Variants in SRFBP1 observed in about 807,000 individuals in gnomAD.
SRFBP1 encodes the protein serum response factor-binding protein 1.
In SRFBP1, 47 loss-of-function variants were observed where a neutral mutation model predicts 45.5. The observed-to-expected ratio is 1.03, with a 90% CI of 0.82 to 1.32. The LOEUF (loss-of-function observed/expected upper bound fraction) is 1.32. SRFBP1 is among the 40% of genes most tolerant of loss of function. The pLI is 0.00. For synonymous variants in SRFBP1, 203 were observed against 166.3 expected, an observed-to-expected ratio of 1.22 and a Z score of -1.70; for missense variants, 621 against 484.6, an observed-to-expected ratio of 1.28 and a Z score of -2.64.
chr5:122,050,291 G>A (rs1041479844), intron 2 of SRFBP1, among the ~76,000 whole-genome samples: 1 of 152,058 alleles, frequency 6.6e-6, no homozygotes, highest in African/African-American at 2.4e-5. Flanking sequence ...CTCATGCTCA[G>A]TTTTTTGGAA....
Position 122,027,400 on chromosome 5 carries a change from G to A in SRFBP1, c.*274G>A, listed in dbSNP as rs770014382. 1.4e-5 allele frequency: 3 copies of A among 208,470 alleles called. No individual in the cohort carries two copies. Among genetic ancestry groups the A allele is most frequent in the Non-Finnish European group, 2.8e-5 (3 of 105,622 alleles). The allele number at this position is 208,470 out of a possible 1,614,324, so 12.9% of individuals were successfully genotyped here. ...AGTCTCTTGGGGAGAATTATAGAAT[G>A]TTTGTTTTTGTATTTTTTTTTAAAG... On this transcript the variant is annotated 3_prime_UTR_variant, in exon 8 of 8. Coordinates refer to ENST00000339397, the MANE Select transcript of SRFBP1 (RefSeq NM_152546.3).
At chr5:121,986,618 GT>G (rs1752524539) in intron 3 of SRFBP1, among the ~76,000 whole-genome samples, 1 of 151,986 alleles carries the variant, frequency 6.6e-6, no homozygotes, top group African/African-American at 2.4e-5. Context: ...AATTTAGCCA[GT>G]GGTAGCCCCT....
chr5:122,027,156 C>G lies in SRFBP1; in HGVS notation c.*30C>G. On this transcript the variant is annotated 3_prime_UTR_variant, in exon 8 of 8. Transcript: ENST00000339397. Reference sequence around the variant, plus strand: ...TGCCTCTTTCTGCAAACTTTTCCATCTAAAAAAAAAAATGTTTTTTTTAAG... The same window carrying G: ...TGCCTCTTTCTGCAAACTTTTCCATGTAAAAAAAAAAATGTTTTTTTTAAG... 1.3e-6 allele frequency: 2 copies of G among 1,542,506 alleles called. No individual in the cohort carries two copies. Among genetic ancestry groups the G allele is most frequent in the Non-Finnish European group, 1.8e-6 (2 of 1,138,302 alleles).
chr5:122,053,874 T>C (rs1323637493), intron 2 of SRFBP1, among the ~76,000 whole-genome samples: 5 of 149,018 alleles, frequency 3.4e-5, no homozygotes, highest in African/African-American at 1.2e-4. Context: ...TCCTGGTACA[T>C]CAGGAAGCTG....
At chr5:121,975,185 G>C in intron 2 of SRFBP1, 130 bp from the exon 3 acceptor site, 1 of 925,254 alleles carries the variant, frequency 1.1e-6, no homozygotes. Flanking sequence ...GGACAGTGTA[G>C]GATAGTGGCG....
Position 122,054,075 on chromosome 5 carries a change from C to A in SRFBP1, n.312-21240C>A, listed in dbSNP as rs78601805. Among the ~76,000 whole-genome samples the A allele has an allele frequency of 5.1e-3, 771 of 152,320 alleles. 19 individuals carry two copies. The East Asian group carries it at 0.051, about 10-fold the overall frequency. On this transcript the variant is annotated intron_variant and non_coding_transcript_variant, in intron 2 of 2. Transcript: ENST00000504881. ...TGAGATGGAGCAATCTTACTGCTTC[C>A]AGGCACCACAACTGCAGCCTCTGTT...
intron 3 of SRFBP1, among the ~76,000 whole-genome samples, chr5:121,980,711 A>AAAT (rs1210963875): frequency 6.6e-6 from 1 of 152,018 alleles, no homozygotes; most frequent in East Asian, 1.9e-4. Flanking sequence ...TTTTTTTCGA[A>AAAT]TAAGTGGTTG....
At chr5:121,974,431 G>C in intron 2 of SRFBP1, 147 bp downstream of exon 2, 1 of 587,294 alleles carries the variant, frequency 1.7e-6, no homozygotes, top group Non-Finnish European at 3.1e-6. Flanking sequence ...GATGATGTGA[G>C]TGAGATAGAA....
At chr5:121,993,821 TTTTA>T (rs1037275064) in intron 3 of SRFBP1, among the ~76,000 whole-genome samples, 2 of 152,050 alleles carry the variant, frequency 1.3e-5, no homozygotes, top group Non-Finnish European at 2.9e-5. Flanking sequence ...TTTGAGGTAG[TTTTA>T]TTTATTTATT....
In SRFBP1 at chr5:121,997,699, A is replaced by C. The variant is rs1430030214; in HGVS notation, c.270+3029A>C. Among the ~76,000 whole-genome samples the C allele has an allele frequency of 8.3e-4, 126 of 151,720 alleles. 1 individual carries two copies. The highest frequency in any genetic ancestry group is 2.9e-3 in the African/African-American group (119 of 41,442). ...TTAAACTAAAGAGCTTCTGCACAGC[A>C]AAAGAAACTACCATCAGAGTGAACA... On this transcript the variant is annotated intron_variant, in intron 4 of 7. Coordinates refer to ENST00000339397, the MANE Select transcript of SRFBP1 (RefSeq NM_152546.3).
At chr5:121,988,509 G>A (rs1199291516) in intron 3 of SRFBP1, among the ~76,000 whole-genome samples, 1 of 152,184 alleles carries the variant, frequency 6.6e-6, no homozygotes, top group Non-Finnish European at 1.5e-5. Flanking sequence ...TCTCTCAGTG[G>A]AGTCATATGG....
At position 121,962,031 on chromosome 5, in the gene SRFBP1, C is replaced by G. The variant is rs1751953567; in HGVS notation, c.-2C>G. 1 of 1,613,974 alleles carries G rather than the reference C, an allele frequency of 6.2e-7. No individual in the cohort carries two copies. The highest frequency in any genetic ancestry group is 1.3e-5 in the African/African-American group (1 of 74,908). ...GCGGCGGATCATATTCCTTCATCTA[C>G]CATGGCTCAGCCGGGAACTCTGAAC... On this transcript the variant is annotated 5_prime_UTR_variant, in exon 1 of 8. Transcript: ENST00000339397.
At chr5:122,069,930 C>G (rs764368995) in intron 2 of SRFBP1, 6 of 778,008 alleles carry the variant, frequency 7.7e-6, no homozygotes, top group Non-Finnish European at 1.2e-5. Context: ...CCATTTTCTG[C>G]CTTTGGTCTG....
downstream of SRFBP1, among the ~76,000 whole-genome samples, chr5:122,031,350 A>G (rs1457281940): frequency 3.3e-5 from 5 of 152,184 alleles, no homozygotes. Flanking sequence ...AAATTATGAG[A>G]CATGCACAAA....
At chr5:121,979,366 C>T (rs1003922888) in intron 3 of SRFBP1, among the ~76,000 whole-genome samples, 1 of 152,186 alleles carries the variant, frequency 6.6e-6, no homozygotes, top group African/African-American at 2.4e-5. Flanking sequence ...TATAGTTTCA[C>T]ATACTGTGAC....
intron 3 of SRFBP1, 107 bp downstream of exon 3, chr5:121,975,494 T>C: frequency 8.6e-7 from 1 of 1,166,876 alleles, no homozygotes; most frequent in South Asian, 1.3e-5. Context: ...GAGAGTTGCG[T>C]AAGACATCTT....
At chr5:122,029,975 T>G (rs146390328), downstream of SRFBP1, among the ~76,000 whole-genome samples, 103 of 152,284 alleles carry the variant, frequency 6.8e-4, no homozygotes, top group African/African-American at 2.3e-3. Context: ...GAGGATATAT[T>G]TACATATTTG....
At chr5:122,067,580 T>G (rs1250548818) in intron 2 of SRFBP1, among the ~76,000 whole-genome samples, 3 of 152,082 alleles carry the variant, frequency 2.0e-5, no homozygotes, top group Admixed American at 2.0e-4. Context: ...CTTAGGCAAG[T>G]TACACTTCCT....
At position 122,007,887 on chromosome 5, in the gene SRFBP1, C is replaced by T. The variant is rs534597239; in HGVS notation, c.271-11373C>T. ...CGGGGCCACAGGGGCAGACTTAGTGCTGCATAGGCCTGTATCCTCAGTCAC... is the reference window on the plus strand; with the variant it reads ...CGGGGCCACAGGGGCAGACTTAGTGTTGCATAGGCCTGTATCCTCAGTCAC... On this transcript the variant is annotated intron_variant, in intron 4 of 7. Coordinates refer to ENST00000339397, the MANE Select transcript of SRFBP1 (RefSeq NM_152546.3). Among the ~76,000 whole-genome samples the T allele has an allele frequency of 3.3e-5, 5 of 152,270 alleles. No homozygotes were observed. The East Asian group carries it at 9.7e-4, about 29-fold the overall frequency.
Sources: gnomAD v4.1 joint callset for allele counts (sites outside exome capture counted in the v4.1 genomes callset) on GRCh38, gnomAD v4.1.1 for gene constraint, MANE v1.5 for transcripts, NCBI Gene and HGNC (gene_info 2026-07-23, HGNC 2026-07-21) for gene names.